Variants in TTC39B observed in about 807,000 individuals in gnomAD.
The protein encoded by TTC39B is tetratricopeptide repeat domain 39B.
In TTC39B, 92 loss-of-function variants were observed where a neutral mutation model predicts 96.6. The ratio of observed to expected loss-of-function variants is 0.95; its 90% CI spans 0.80 to 1.13. TTC39B has a LOEUF of 1.13. Among genes scored for constraint, TTC39B ranks in the 50% most tolerant of loss-of-function variants. The probability of loss-of-function intolerance (pLI) is 0.00; values close to 1 mark genes in which losing one functional copy is unlikely to be tolerated. For synonymous variants in TTC39B, 367 were observed against 299.4 expected (o/e 1.23, Z -2.33); for missense variants, 955 against 809.3 (o/e 1.18, Z -2.18).
At chr9:15,280,879 C>T (rs10961952) in intron 1 of TTC39B, among the ~76,000 whole-genome samples, 14,442 of 152,188 alleles carry the variant, frequency 0.095, 904 homozygotes, top group African/African-American at 0.18. Context: ...CCCTACCATT[C>T]TAGAGAGTCG....
In TTC39B at chr9:15,284,423, A is replaced by G. The variant is rs939582193; in HGVS notation, c.241-16475T>C. ...TTCATGTACCACGGTTTCATGTACC[A>G]AGATTATGATACACACTGTGCTGCG... On this transcript the variant is annotated intron_variant, in intron 1 of 19. Coordinates refer to ENST00000512701, the Ensembl canonical transcript of TTC39B. 3.9e-5 allele frequency among the ~76,000 whole-genome samples: 6 copies of G among 152,340 alleles called. No individual in the cohort carries two copies. In the East Asian group the frequency reaches 7.7e-4, roughly 20 times the overall value.
At chr9:15,269,011 C>T (rs1443678543) in intron 1 of TTC39B, among the ~76,000 whole-genome samples, 2 of 152,164 alleles carry the variant, frequency 1.3e-5, no homozygotes, top group African/African-American at 2.4e-5. Flanking sequence ...TCTTTCTTTC[C>T]GTTCCTTGGA....
At chr9:15,264,175 T>C (rs937652116) in intron 2 of TTC39B, among the ~76,000 whole-genome samples, 5 of 152,076 alleles carry the variant, frequency 3.3e-5, no homozygotes, top group Admixed American at 6.5e-5. Context: ...ACCAAGACAA[T>C]GCTTCTCGAA....
At chr9:15,284,571 T>C (rs371102637) in intron 1 of TTC39B, among the ~76,000 whole-genome samples, 2 of 152,176 alleles carry the variant, frequency 1.3e-5, no homozygotes, top group East Asian at 3.8e-4. Context: ...ATCTCTAAAA[T>C]ATATTAAGTG....
Position 15,210,167 on chromosome 9 carries a change from AC to A in TTC39B, c.615-4del. 1.3e-6 allele frequency: 2 copies of A among 1,554,730 alleles called. No homozygotes were observed. Among genetic ancestry groups the A allele is most frequent in the Non-Finnish European group, 1.7e-6 (2 of 1,146,604 alleles). On this transcript the variant is annotated splice_region_variant and splice_polypyrimidine_tract_variant and intron_variant, in intron 5 of 19. Coordinates refer to ENST00000512701, the Ensembl canonical transcript of TTC39B. ...CAACTGTGTATTTTTTCCTGTATCTACATTGAATAAATAAAAAGGGAGATAG... is the reference window on the plus strand; with the variant it reads ...CAACTGTGTATTTTTTCCTGTATCTAATTGAATAAATAAAAAGGGAGATAG...
intron 3 of TTC39B, among the ~76,000 whole-genome samples, chr9:15,215,074 T>A (rs968302640): frequency 1.3e-5 from 2 of 151,112 alleles, no homozygotes; most frequent in African/African-American, 4.9e-5. Flanking sequence ...GGCAACAGAG[T>A]GAGCACTCGT....
chr9:15,207,655 G>A (rs545525785), intron 6 of TTC39B, among the ~76,000 whole-genome samples: 6 of 152,192 alleles, frequency 3.9e-5, no homozygotes, highest in African/African-American at 1.2e-4. Context: ...AAAGCAACAA[G>A]GACAGTATAT....
chr9:15,270,129 C>T (rs1253564235), intron 1 of TTC39B, among the ~76,000 whole-genome samples: 1 of 151,850 alleles, frequency 6.6e-6, no homozygotes, highest in Admixed American at 6.6e-5. Flanking sequence ...AAGATTGCCC[C>T]ACTGCACTCC....
At chr9:15,178,313 C>G (rs796914293) in intron 17 of TTC39B, among the ~76,000 whole-genome samples, 4 of 152,266 alleles carry the variant, frequency 2.6e-5, no homozygotes, top group African/African-American at 9.6e-5. Context: ...TGGCTCACAT[C>G]TGTAATCCCA....
In TTC39B at chr9:15,306,400, G is replaced by C. The variant is rs111467818; in HGVS notation, c.240+684C>G. Among the ~76,000 whole-genome samples, 1 of 152,218 alleles carries C rather than the reference G, an allele frequency of 6.6e-6. No individual in the cohort carries two copies. The highest frequency in any genetic ancestry group is 1.5e-5 in the Non-Finnish European group (1 of 68,034). ...ACAGTTGAAACCAAAGGAGGCCGGA[G>C]TCGGTTCTCAAAGTGGTTTCCCTCC... is the stretch of plus-strand genomic sequence containing the variant. On this transcript the variant is annotated intron_variant, in intron 1 of 19. Transcript: ENST00000512701. This position sits in a 1 kb window ranked among gnomAD's most constrained non-coding sequence, Gnocchi z 5.1.
chr9:15,216,362 G>C (rs760602052), intron 3 of TTC39B, among the ~76,000 whole-genome samples: 4 of 150,860 alleles, frequency 2.7e-5, no homozygotes, highest in Non-Finnish European at 4.4e-5. Context: ...AGTAGAAACA[G>C]AGACTTCTTC....
exon 20 of TTC39B, chr9:15,167,492 C>T (rs929537356): frequency 6.6e-6 from 1 of 152,238 alleles, no homozygotes; most frequent in African/African-American, 2.4e-5. Flanking sequence ...GTGGCTCACG[C>T]CTGTAATCCC....
intron 1 of TTC39B, among the ~76,000 whole-genome samples, chr9:15,296,452 T>A (rs10118629): frequency 0.24 from 36,861 of 152,046 alleles, 5,008 homozygotes; most frequent in Non-Finnish European, 0.29. Flanking sequence ...GCAAAAATAT[T>A]CCCCAAATAC....
chr9:15,211,436 T>A, intron 4 of TTC39B, 39 bp from the exon 5 acceptor site: 1 of 1,422,286 alleles, frequency 7.0e-7, no homozygotes, highest in African/African-American at 1.5e-5. Flanking sequence ...TTTAATTCAA[T>A]GGAAATACTG....
intron 2 of TTC39B, among the ~76,000 whole-genome samples, chr9:15,240,098 A>G (rs1821971613): frequency 6.6e-6 from 1 of 152,224 alleles, no homozygotes; most frequent in Admixed American, 6.5e-5. Context: ...GCCGATGATC[A>G]GAGGAAGGAG....
intron 18 of TTC39B, among the ~76,000 whole-genome samples, chr9:15,176,781 A>G (rs1262248298): frequency 6.6e-6 from 1 of 152,126 alleles, no homozygotes; most frequent in Non-Finnish European, 1.5e-5. Context: ...GAGCCTACCA[A>G]TCCTATTCCT....
exon 20 of TTC39B, chr9:15,170,175 T>C (rs562907703): frequency 0.05 from 500 of 10,006 alleles, 5 homozygotes; most frequent in African/African-American, 0.33. Flanking sequence ...CACATTGATA[T>C]CTACCGCCAT....
intron 1 of TTC39B, among the ~76,000 whole-genome samples, chr9:15,278,408 T>G (rs1823628329): frequency 6.6e-6 from 1 of 152,210 alleles, no homozygotes; most frequent in African/African-American, 2.4e-5. Flanking sequence ...TTAACATAAA[T>G]GAGCAAATTA....
chr9:15,287,849 G>A (rs1417868902), intron 1 of TTC39B, among the ~76,000 whole-genome samples: 3 of 150,674 alleles, frequency 2.0e-5, no homozygotes, highest in South Asian at 2.1e-4. Flanking sequence ...GGGAAGCTGA[G>A]GCAGGAGAAT....
Sources: gnomAD v4.1 joint callset for allele counts (sites outside exome capture counted in the v4.1 genomes callset) on GRCh38, gnomAD v4.1.1 for gene constraint, Gnocchi (gnomAD v3.1) non-coding constraint, MANE v1.5 for transcripts, NCBI Gene and HGNC (gene_info 2026-07-23, HGNC 2026-07-21) for gene names.